The following PARP8 variants were observed in gnomAD, a reference collection of about 807,000 sequenced individuals.
PARP8 encodes the protein poly(ADP-ribose) polymerase family member 8.
PARP8 carries 51 observed loss-of-function variants against 124.1 expected under a neutral mutation model. The observed-to-expected ratio is 0.41, with a 90% confidence interval of 0.33 to 0.52. PARP8 has a LOEUF of 0.52. Ranked by LOEUF, PARP8 falls within the 20% of genes least tolerant of loss-of-function variation. The pLI is 0.21. For synonymous variants in PARP8, 391 were observed against 361.5 expected (o/e 1.08, Z -0.93); for missense variants, 860 against 1,018.9 (o/e 0.84, Z 2.12).
At chr5:50,672,507 G>C (rs1012130543) in intron 2 of PARP8, among the ~76,000 whole-genome samples, 11 of 152,194 alleles carry the variant, frequency 7.2e-5, no homozygotes, top group Admixed American at 2.0e-4. Flanking sequence ...AATTTCATAC[G>C]AATCCAGTGT....
chr5:50,669,629 C>G (rs1290584283), intron 2 of PARP8: 1 of 152,132 alleles, frequency 6.6e-6, no homozygotes, highest in Non-Finnish European at 1.5e-5. Context: ...AGTTAAGATT[C>G]TTTATCAGCA....
At chr5:50,809,892 A>G (rs1008538345) in intron 14 of PARP8, among the ~76,000 whole-genome samples, 1 of 152,072 alleles carries the variant, frequency 6.6e-6, no homozygotes, top group Non-Finnish European at 1.5e-5. Flanking sequence ...CTAGATTCTT[A>G]GAGTTGTATT....
In PARP8 at chr5:50,815,590, A is replaced by G. The variant is rs1253205792; in HGVS notation, c.1668+66A>G. 24 of 1,118,536 alleles carry G rather than the reference A, an allele frequency of 2.1e-5. No individual in the cohort carries two copies. In the Admixed American group the frequency reaches 6.1e-4, roughly 29 times the overall value. 69.3% of individuals were successfully genotyped at this position (1,118,536 alleles called of 1,614,324 possible). A position where few individuals can be genotyped will look rare whatever the true frequency, so the allele number is the denominator to read the frequency against. On this transcript the variant is annotated intron_variant, in intron 15 of 25. Coordinates refer to ENST00000281631, the MANE Select transcript of PARP8 (RefSeq NM_024615.4). ...AAAAATTTGTTCCAGTCCACTAGTT[A>G]TCTTCATTCTGCTATTCTTTGGGGA...
At chr5:50,717,012 G>T (rs1369152462) in intron 2 of PARP8, among the ~76,000 whole-genome samples, 1 of 152,056 alleles carries the variant, frequency 6.6e-6, no homozygotes, top group African/African-American at 2.4e-5. Context: ...AACAAGGCAA[G>T]GTAGGCAGGG....
At chr5:50,783,019 C>A (rs1367877082) in intron 9 of PARP8, among the ~76,000 whole-genome samples, 1 of 151,992 alleles carries the variant, frequency 6.6e-6, no homozygotes, top group Non-Finnish European at 1.5e-5. Context: ...GTTCTAGAAC[C>A]ATGTCAGGAG....
intron 2 of PARP8, among the ~76,000 whole-genome samples, chr5:50,723,822 T>C (rs994258400): frequency 1.3e-5 from 2 of 152,130 alleles, no homozygotes; most frequent in African/African-American, 4.8e-5. Context: ...TGAGAATTAT[T>C]AAAAAGTTTT....
At chr5:50,686,993 A>C (rs1751937938) in intron 2 of PARP8, among the ~76,000 whole-genome samples, 1 of 152,196 alleles carries the variant, frequency 6.6e-6, no homozygotes, top group Non-Finnish European at 1.5e-5. Flanking sequence ...CTTGGGGATT[A>C]ACATTCGGCT....
chr5:50,795,373 A>C lies in PARP8; in HGVS notation c.1384A>C (p.Ile462Leu), dbSNP rs1438997077. Residue 462 changes from isoleucine (I) to leucine (L), a missense_variant, in exon 12 of 26, where the codon ATT (isoleucine) becomes CTT (leucine). By Grantham distance (5) the Ile-to-Leu change is conservative. Coordinates refer to ENST00000281631, the MANE Select transcript of PARP8 (RefSeq NM_024615.4). ...GAGGCTCTCTCTTACCTCAGGGCTT[A>C]TTGGTATCCTAACACCATCTTCATC... ...GRRLSLTSGL[I>L]GILTPSSSSS... 9.3e-6 allele frequency: 15 copies of C among 1,612,210 alleles called. No homozygotes were observed. The highest frequency in any genetic ancestry group is 1.3e-5 in the African/African-American group (1 of 74,774).
chr5:50,748,439 A>T (rs563942611), intron 2 of PARP8, among the ~76,000 whole-genome samples: 2 of 152,196 alleles, frequency 1.3e-5, no homozygotes, highest in Non-Finnish European at 2.9e-5. Flanking sequence ...GCATTAAAAA[A>T]ATAGTGTTTT....
intron 5 of PARP8, 83 bp from the exon 6 acceptor site, chr5:50,761,738 A>T: frequency 1.2e-6 from 1 of 859,258 alleles, no homozygotes; most frequent in Non-Finnish European, 1.8e-6. Context: ...TATGCTCAAG[A>T]CTTGCCTATT....
intron 10 of PARP8, among the ~76,000 whole-genome samples, chr5:50,790,775 T>G (rs1741863739): frequency 1.3e-5 from 2 of 152,180 alleles, no homozygotes; most frequent in Non-Finnish European, 1.5e-5. Context: ...ACATATTTAA[T>G]TAATATCCCT....
At chr5:50,839,940 A>G (rs1009950269) in intron 25 of PARP8, among the ~76,000 whole-genome samples, 2 of 151,876 alleles carry the variant, frequency 1.3e-5, no homozygotes, top group African/African-American at 4.8e-5. Flanking sequence ...TGAATGATGA[A>G]GGAACTCGTA....
intron 14 of PARP8, among the ~76,000 whole-genome samples, chr5:50,810,487 C>T (rs1744314272): frequency 6.6e-6 from 1 of 151,946 alleles, no homozygotes; most frequent in Non-Finnish European, 1.5e-5. Context: ...TAGAATTTGT[C>T]AGGGTGGAGG....
At chr5:50,786,825 C>T (rs1741308069) in intron 9 of PARP8, among the ~76,000 whole-genome samples, 1 of 152,158 alleles carries the variant, frequency 6.6e-6, no homozygotes, top group South Asian at 2.1e-4. Flanking sequence ...AGTGGTTTCT[C>T]ATTCAGCCTC....
At chr5:50,827,478 T>C (rs1746474191) in intron 19 of PARP8, among the ~76,000 whole-genome samples, 1 of 152,190 alleles carries the variant, frequency 6.6e-6, no homozygotes, top group Non-Finnish European at 1.5e-5. Context: ...AAATTCTCAA[T>C]TTTATAAATA....
At chr5:50,672,401 G>A (rs1750134051) in intron 2 of PARP8, among the ~76,000 whole-genome samples, 4 of 152,136 alleles carry the variant, frequency 2.6e-5, no homozygotes, top group Admixed American at 1.3e-4. Context: ...AAAAGACCTG[G>A]CAGACAAGAA....
chr5:50,765,177 G>A (rs1347919031), intron 7 of PARP8, among the ~76,000 whole-genome samples: 3 of 151,736 alleles, frequency 2.0e-5, no homozygotes, highest in Admixed American at 6.6e-5. Flanking sequence ...CAGAAGAATC[G>A]CTTGAACTCA....
intron 2 of PARP8, among the ~76,000 whole-genome samples, chr5:50,740,391 T>G (rs576273992): frequency 6.0e-4 from 92 of 152,164 alleles, no homozygotes; most frequent in African/African-American, 2.2e-3. Context: ...CACAACATGC[T>G]CAAGAACTGA....
chr5:50,775,226 A>T (rs1467543455), intron 7 of PARP8, among the ~76,000 whole-genome samples: 1 of 152,176 alleles, frequency 6.6e-6, no homozygotes, highest in Non-Finnish European at 1.5e-5. Flanking sequence ...TGGAGGTTGT[A>T]GTGAGCCGAG....
Sources: allele counts gnomAD v4.1 joint callset (sites outside exome capture counted in the v4.1 genomes callset), GRCh38; gene constraint gnomAD v4.1.1; transcripts MANE v1.5; gene names NCBI Gene and HGNC (gene_info 2026-07-23, HGNC 2026-07-21).